Variants in PCDHA10 observed in about 807,000 individuals in gnomAD.
The protein encoded by PCDHA10 is protocadherin alpha 10.
PCDHA10 carries 45 observed loss-of-function variants against 61.2 expected under a neutral mutation model. The observed-to-expected ratio is 0.74, with a 90% CI of 0.58 to 0.94. PCDHA10 has a LOEUF of 0.94. Ranked by LOEUF, PCDHA10 falls within the 40% of genes least tolerant of loss-of-function variation. PCDHA10 has a pLI of 0.00. For synonymous variants in PCDHA10, 602 were observed against 548.8 expected, an observed-to-expected ratio of 1.10 and a Z score of -1.35; for missense variants, 1,278 against 1,236.2, an observed-to-expected ratio of 1.03 and a Z score of -0.51.
At chr5:140,987,431 C>G (rs187493051) in intron 3 of PCDHA10, among the ~76,000 whole-genome samples, 1 of 152,232 alleles carries the variant, frequency 6.6e-6, no homozygotes, top group East Asian at 1.9e-4. Context: ...AGCAGGGGGC[C>G]TTTCCCCATG....
At chr5:140,880,415 G>T (rs1481227492) in intron 1 of PCDHA10, among the ~76,000 whole-genome samples, 1 of 152,202 alleles carries the variant, frequency 6.6e-6, no homozygotes, top group Non-Finnish European at 1.5e-5. Context: ...GACCTTAAAA[G>T]CGGGAACAGT....
At position 140,937,762 on chromosome 5, in the gene PCDHA10, A is replaced by T. The variant is rs955142751; in HGVS notation, c.2389-41187A>T. Among the ~76,000 whole-genome samples, 6 of 151,868 alleles carry T rather than the reference A, an allele frequency of 4.0e-5. No individual in the cohort carries two copies. The South Asian group carries it at 6.2e-4, about 16-fold the overall frequency. On this transcript the variant is annotated intron_variant, in intron 1 of 3. Coordinates refer to ENST00000307360, the MANE Select transcript of PCDHA10 (RefSeq NM_018901.4). ...CCCGTCTCTACTAAAAATACAAAAA[A>T]TTAGTCGGGCGTGGTGGCGGGCGTA... is the stretch of plus-strand genomic sequence containing the variant.
chr5:140,972,152 A>AT (rs1203762947), intron 1 of PCDHA10, among the ~76,000 whole-genome samples: 3 of 151,770 alleles, frequency 2.0e-5, no homozygotes, highest in East Asian at 3.9e-4. Context: ...TTTTATTTTT[A>AT]TTTTTTTGAG....
At chr5:140,875,056 G>C (rs1554167464) in intron 1 of PCDHA10, among the ~76,000 whole-genome samples, 1 of 152,176 alleles carries the variant, frequency 6.6e-6, no homozygotes, top group Non-Finnish European at 1.5e-5. Context: ...CTTTGAAGCA[G>C]AAAACATTTT....
At chr5:140,967,843 T>C (rs782701780) in intron 1 of PCDHA10, 3 of 1,614,102 alleles carry the variant, frequency 1.9e-6, no homozygotes, top group Admixed American at 3.3e-5. Flanking sequence ...TGGACGTGAA[T>C]GACAATGCCC....
chr5:140,883,394 G>T, intron 1 of PCDHA10: 2 of 1,614,124 alleles, frequency 1.2e-6, no homozygotes, highest in South Asian at 2.2e-5. Context: ...CAGTGTGTCC[G>T]ATCGTGACTC....
intron 1 of PCDHA10, among the ~76,000 whole-genome samples, chr5:140,895,788 G>A (rs947578940): frequency 3.9e-5 from 6 of 152,014 alleles, no homozygotes; most frequent in East Asian, 1.9e-4. Context: ...ATTCAATGAC[G>A]TATATGTACA....
In PCDHA10 at chr5:140,904,302, A is replaced by C. The variant is rs553969479; in HGVS notation, c.2388+45866A>C. Among the ~76,000 whole-genome samples, 22 of 151,950 alleles carry C rather than the reference A, an allele frequency of 1.4e-4. No individual in the cohort carries two copies. In the East Asian group the frequency reaches 3.9e-3, roughly 27 times the overall value. On this transcript the variant is annotated intron_variant, in intron 1 of 3. Transcript: ENST00000307360. ...TGTGGTGTTTGGTTTTCCATTCCTG[A>C]GTTTCTTCACTTAGAATAATGGTCT...
intron 1 of PCDHA10, among the ~76,000 whole-genome samples, chr5:140,947,506 A>C (rs1034178009): frequency 6.6e-6 from 1 of 151,700 alleles, no homozygotes; most frequent in Non-Finnish European, 1.5e-5. Flanking sequence ...TTAAATTTTC[A>C]TATAAATTTT....
chr5:140,901,168 C>G (rs782138220), intron 1 of PCDHA10, among the ~76,000 whole-genome samples: 8 of 152,010 alleles, frequency 5.3e-5, no homozygotes, highest in Non-Finnish European at 8.8e-5. Flanking sequence ...GTTGTCTCTT[C>G]ACTTTGTTGA....
chr5:140,882,720 G>T, intron 1 of PCDHA10: 2 of 1,614,198 alleles, frequency 1.2e-6, no homozygotes, highest in Non-Finnish European at 1.7e-6. Context: ...CCGGAAACTC[G>T]ATTTCCACTA....
At chr5:140,965,033 T>C (rs1563339344) in intron 1 of PCDHA10, among the ~76,000 whole-genome samples, 2 of 152,192 alleles carry the variant, frequency 1.3e-5, no homozygotes, top group African/African-American at 4.8e-5. Flanking sequence ...CCTTTAACTG[T>C]CCGCTCTAGG....
At chr5:140,929,530 G>A in intron 1 of PCDHA10, 1 of 636,248 alleles carries the variant, frequency 1.6e-6, no homozygotes, top group Non-Finnish European at 2.3e-6. Flanking sequence ...GTTTATTTTT[G>A]AGAAACAAGG....
intron 1 of PCDHA10, chr5:140,869,566 G>C (rs782325882): frequency 6.2e-7 from 1 of 1,614,178 alleles, no homozygotes; most frequent in Middle Eastern, 1.6e-4. Context: ...TTTTCCACTA[G>C]AGGGAGCTTC....
chr5:140,985,283 A>G (rs955144760), intron 3 of PCDHA10, among the ~76,000 whole-genome samples: 6 of 152,020 alleles, frequency 3.9e-5, no homozygotes, highest in Admixed American at 1.3e-4. Context: ...TCTGCAATCT[A>G]TGATATAGTG....
chr5:140,977,762 C>T (rs996806241), intron 1 of PCDHA10, among the ~76,000 whole-genome samples: 6 of 152,124 alleles, frequency 3.9e-5, no homozygotes, highest in Non-Finnish European at 5.9e-5. Context: ...TTATTAAATA[C>T]TTTGCATCCC....
intron 1 of PCDHA10, chr5:140,928,403 G>A (rs1554205862): frequency 6.2e-7 from 1 of 1,613,964 alleles, no homozygotes; most frequent in Non-Finnish European, 8.5e-7. Context: ...GAATCATCCA[G>A]TGGGGCCATC....
intron 1 of PCDHA10, among the ~76,000 whole-genome samples, chr5:140,920,419 T>C (rs1282192714): frequency 6.6e-6 from 1 of 152,232 alleles, no homozygotes. Flanking sequence ...GATACAGCTG[T>C]TCTCCCACAC....
intron 1 of PCDHA10, chr5:140,884,562 A>C (rs782650365): frequency 6.2e-7 from 1 of 1,614,166 alleles, no homozygotes; most frequent in Non-Finnish European, 8.5e-7. Flanking sequence ...GAGGGCCCGC[A>C]TAAGACGGAC....
Sources: allele counts gnomAD v4.1 joint callset (sites outside exome capture counted in the v4.1 genomes callset), GRCh38; gene constraint gnomAD v4.1.1; transcripts MANE v1.5; gene names NCBI Gene and HGNC (gene_info 2026-07-23, HGNC 2026-07-21).